The following PPP1R12C variants were observed in gnomAD, a reference collection of about 807,000 sequenced individuals.
The protein encoded by PPP1R12C is protein phosphatase 1 regulatory subunit 12C, also known as leukocyte receptor cluster (LRC) encoded novel gene 3.
Under a neutral mutation model 95.6 loss-of-function variants are expected in PPP1R12C, and 48 were observed. That is an observed-to-expected ratio of 0.50 (90% CI 0.40 to 0.64). The LOEUF (loss-of-function observed/expected upper bound fraction) is 0.64. PPP1R12C is among the 30% of genes least tolerant of loss of function. PPP1R12C has a pLI of 0.00. For synonymous variants in PPP1R12C, 480 were observed against 460.8 expected, an observed-to-expected ratio of 1.04 and a Z score of -0.53; for missense variants, 1,057 against 1,083.3, an observed-to-expected ratio of 0.98 and a Z score of 0.34.
At chr19:55,091,934 G>C in intron 19 of PPP1R12C, 25 bp from the exon 20 acceptor site, 1 of 1,612,656 alleles carries the variant, frequency 6.2e-7, no homozygotes, top group East Asian at 2.2e-5. Context: ...GAAAGCACAG[G>C]GGTCAGCAGA....
chr19:55,106,886 G>T (rs928005927), intron 3 of PPP1R12C, among the ~76,000 whole-genome samples: 1 of 152,192 alleles, frequency 6.6e-6, no homozygotes, highest in Non-Finnish European at 1.5e-5. Context: ...TCTGACCAAG[G>T]TGGCCCAGTG....
Position 55,092,277 on chromosome 19 carries a change from G to A in PPP1R12C, c.2105C>T (p.Thr702Ile), listed in dbSNP as rs2084852009. The A allele has an allele frequency of 6.2e-7, 1 of 1,601,324 alleles. No homozygotes were observed. Among genetic ancestry groups the A allele is most frequent in the South Asian group, 1.1e-5 (1 of 89,138 alleles). Residue 702 changes from threonine to isoleucine, a missense_variant, in exon 19 of 22, where the codon ACC becomes ATC. Thr to Ile is a moderately conservative substitution (Grantham distance 89). Around this residue, in one of 5 missense-constraint regions of PPP1R12C, gnomAD observed 347 missense variants for 307.9 expected, o/e 1.13. Coordinates refer to ENST00000263433, the MANE Select transcript of PPP1R12C (RefSeq NM_017607.4). ...RENERLREAL[T>I]ETTLRLAQLK... The stretch of plus-strand genomic sequence containing the variant: ...CTGCGCCAGCCGCAGCGTGGTCTCG[G>A]TCAGGGCCTCGCGAAGCCGCTCGTT...
At chr19:55,103,917 C>CA (rs1319937203) in intron 3 of PPP1R12C, among the ~76,000 whole-genome samples, 5 of 148,424 alleles carry the variant, frequency 3.4e-5, no homozygotes, top group African/African-American at 1.3e-4. Flanking sequence ...TTTGAGAGGC[C>CA]AAGGCAGGTG....
Position 55,117,504 on chromosome 19 carries a change from C to A in PPP1R12C, c.40G>T (p.Ala14Ser). ...CGCCGCTCCCGGGCAGCCGCCGCCGCCGCCCCCGGGCCAGCCGCCGGGCCA... is the reference window on the plus strand; with the variant it reads ...CGCCGCTCCCGGGCAGCCGCCGCCGACGCCCCCGGGCCAGCCGCCGGGCCA... The part of the protein sequence containing the change: ...EDGPAAGPGA[A>S]AAAARERRRE... The change falls in exon 1 of 22, where the codon GCG becomes TCG. Residue 14 changes from alanine (A) to serine (S), a missense_variant. Coordinates refer to ENST00000263433, the MANE Select transcript of PPP1R12C (RefSeq NM_017607.4). 9.7e-7 allele frequency: 1 copy of A among 1,027,218 alleles called. No individual in the cohort carries two copies. The highest frequency in any genetic ancestry group is 1.7e-5 in the African/African-American group (1 of 57,490). 63.6% of individuals were successfully genotyped at this position (1,027,218 alleles called of 1,614,324 possible).
At chr19:55,101,997 A>G (rs2084984780) in intron 4 of PPP1R12C, among the ~76,000 whole-genome samples, 1 of 152,198 alleles carries the variant, frequency 6.6e-6, no homozygotes, top group East Asian at 1.9e-4. Flanking sequence ...AGAGATGAGC[A>G]GAGACAGGGA....
intron 3 of PPP1R12C, among the ~76,000 whole-genome samples, chr19:55,107,593 C>T (rs1168882635): frequency 2.0e-5 from 3 of 151,138 alleles, no homozygotes; most frequent in South Asian, 2.1e-4. Context: ...AGCAAACTAT[C>T]GCAAGGACAG....
At chr19:55,112,095 C>A (rs111948319) in intron 3 of PPP1R12C, 3,696 of 198,826 alleles carry the variant, frequency 0.019, 126 homozygotes, top group African/African-American at 0.081. Context: ...CTACTCCCCC[C>A]CAAGTAAACG....
At position 55,098,998 on chromosome 19, in the gene PPP1R12C, G is replaced by T; in HGVS notation, c.829C>A (p.Arg277Ser). 1 of 1,559,350 alleles carries T rather than the reference G, an allele frequency of 6.4e-7. No homozygotes were observed. ...AAHWGVEDACRLLAEHGGGMD... is the reference protein window; with the variant it reads ...AAHWGVEDACSLLAEHGGGMD... ...CCCCCGCCATGCTCGGCCAGCAGGCGGCAGGCATCCTCCACGCCCCAGTGT... is the reference window on the plus strand; with the variant it reads ...CCCCCGCCATGCTCGGCCAGCAGGCTGCAGGCATCCTCCACGCCCCAGTGT... Residue 277 changes from arginine (R) to serine (S), a missense_variant, in exon 5 of 22, where the codon CGC (arginine) becomes AGC (serine). Physicochemically the swap from Arg to Ser is moderately radical, Grantham distance 110 (BLOSUM62 -1). Around this residue, in one of 5 missense-constraint regions of PPP1R12C, gnomAD observed 282 missense variants for 380.4 expected, o/e 0.74. Coordinates refer to ENST00000263433, the MANE Select transcript of PPP1R12C (RefSeq NM_017607.4).
chr19:55,102,975 G>A (rs148924911), intron 4 of PPP1R12C, among the ~76,000 whole-genome samples: 393 of 152,336 alleles, frequency 2.6e-3, no homozygotes, highest in Non-Finnish European at 4.6e-3. Flanking sequence ...GCTGAGGTAG[G>A]AGGATCACTT....
chr19:55,102,849 G>A (rs2084993220), intron 4 of PPP1R12C, among the ~76,000 whole-genome samples: 1 of 152,186 alleles, frequency 6.6e-6, no homozygotes, highest in Non-Finnish European at 1.5e-5. Flanking sequence ...CCCATTCTCT[G>A]ACCACAATGC....
chr19:55,104,187 T>TAC (rs1240126502), intron 3 of PPP1R12C, among the ~76,000 whole-genome samples: 1 of 99,930 alleles, frequency 1.0e-5, no homozygotes, highest in African/African-American at 4.8e-5. Context: ...AAAGTATATA[T>TAC]ATATATATAT....
chr19:55,099,123 A>G, intron 4 of PPP1R12C, 28 bp from the exon 5 acceptor site: 1 of 1,491,306 alleles, frequency 6.7e-7, no homozygotes, highest in South Asian at 1.3e-5. Flanking sequence ...TCAGGGTCAG[A>G]GGCCAAGGCG....
intron 1 of PPP1R12C, among the ~76,000 whole-genome samples, chr19:55,116,684 G>T (rs2085157367): frequency 3.9e-5 from 6 of 152,188 alleles, no homozygotes; most frequent in Admixed American, 3.9e-4. Context: ...GAGTTCCGGC[G>T]GCACAGCAAG....
chr19:55,091,080 G>T lies in PPP1R12C; in HGVS notation c.*392C>A. 3.8e-6 allele frequency: 1 copy of T among 263,854 alleles called. No individual in the cohort carries two copies. Among genetic ancestry groups the T allele is most frequent in the South Asian group, 4.8e-5 (1 of 20,678 alleles). The allele number at this position is 263,854 out of a possible 1,614,324, so 16.3% of individuals were successfully genotyped here. A position where few individuals can be genotyped will look rare whatever the true frequency, so the allele number is the denominator to read the frequency against. On this transcript the variant is annotated 3_prime_UTR_variant, in exon 22 of 22. Transcript: ENST00000263433. ...ACAGGCCCACCTGGCTGAGGCTGGC[G>T]GGACTCTTGGCACATTCTTGGATCC...
At chr19:55,094,595 TCCTGCTTCACATCGTCTCTC>T in intron 12 of PPP1R12C, 46 bp downstream of exon 12, 1 of 1,529,606 alleles carries the variant, frequency 6.5e-7, no homozygotes, top group Non-Finnish European at 8.7e-7. Flanking sequence ...GCCCCGGGAC[TCCTGCTTCACATCGTCTCTC>T]CCTGCTGGGG....
In PPP1R12C at chr19:55,095,591, C is replaced by A. The variant is rs771374523; in HGVS notation, c.1240G>T (p.Ala414Ser). 2 of 1,565,574 alleles carry A rather than the reference C, an allele frequency of 1.3e-6. No homozygotes were observed. The highest frequency in any genetic ancestry group is 1.2e-5 in the South Asian group (1 of 82,866). Residue 414 changes from alanine to serine, a missense_variant, in exon 10 of 22, where the codon GCC (alanine) becomes TCC (serine). Transcript: ENST00000263433. The stretch of plus-strand genomic sequence containing the variant: ...AGGCCAAAGCGCCTGGAGAAGGGGG[C>A]CTCTTCAAGCTGCTGGGAGAAGGAG... ...SPKSPVQLEE[A>S]PFSRRFGLLK...
At chr19:55,099,620 G>A (rs531756571) in intron 4 of PPP1R12C, among the ~76,000 whole-genome samples, 1 of 152,168 alleles carries the variant, frequency 6.6e-6, no homozygotes, top group African/African-American at 2.4e-5. Context: ...AAGGGTTAGC[G>A]GCATCGGCTG....
Position 55,091,673 on chromosome 19 carries a change from C to T in PPP1R12C, c.2239G>A (p.Ala747Thr), listed in dbSNP as rs768010986. 15 of 1,612,864 alleles carry T rather than the reference C, an allele frequency of 9.3e-6. No homozygotes were observed. Among genetic ancestry groups the T allele is most frequent in the Admixed American group, 1.7e-5 (1 of 59,994 alleles). The change falls in exon 21 of 22, where the codon GCA becomes ACA. Residue 747 changes from alanine to threonine, a missense_variant. Transcript: ENST00000263433. ...ACCTTCAGCTCCTCCTCCAGCTCTG[C>T]GGCCTTGCGTTCCAGGGCCCTGCGC... ...FERRALERKA[A>T]ELEEELKALS...
chr19:55,105,181 T>C (rs1244414416), intron 3 of PPP1R12C, among the ~76,000 whole-genome samples: 2 of 151,974 alleles, frequency 1.3e-5, no homozygotes, highest in Non-Finnish European at 2.9e-5. Context: ...TCCTCCTGCC[T>C]TGGCCTCCCA....
Sources: gnomAD v4.1 joint callset for allele counts (sites outside exome capture counted in the v4.1 genomes callset) on GRCh38, gnomAD v4.1.1 for gene constraint, gnomAD v4.1.1 regional missense constraint, MANE v1.5 for transcripts, NCBI Gene and HGNC (gene_info 2026-07-23, HGNC 2026-07-21) for gene names.